DPP10: variants seen among roughly 807,000 people sequenced by gnomAD.
DPP10 encodes the protein inactive dipeptidyl peptidase 10.
In DPP10, 33 loss-of-function variants were observed where a neutral mutation model predicts 120.9. The observed-to-expected ratio is 0.27, with a 90% CI of 0.21 to 0.37. The LOEUF is 0.37. Ranked by LOEUF, DPP10 falls within the 10% of genes least tolerant of loss-of-function variation. DPP10 has a pLI of 1.00. For synonymous variants in DPP10, 337 were observed against 326.1 expected, an observed-to-expected ratio of 1.03 and a Z score of -0.36; for missense variants, 816 against 942.8, an observed-to-expected ratio of 0.87 and a Z score of 1.76.
At chr2:115,145,541 C>G (rs2051176753) in intron 1 of DPP10, among the ~76,000 whole-genome samples, 1 of 152,134 alleles carries the variant, frequency 6.6e-6, no homozygotes, top group Non-Finnish European at 1.5e-5. Flanking sequence ...CTTTATTCAT[C>G]CATTCATCTC....
At chr2:114,758,866 C>T (rs190645131) in intron 1 of DPP10, among the ~76,000 whole-genome samples, 118 of 152,168 alleles carry the variant, frequency 7.8e-4, no homozygotes, top group Middle Eastern at 3.4e-3. Flanking sequence ...AATTAAAAAA[C>T]GAAATTTCAA....
chr2:115,775,436 T>A (rs1377609085), intron 13 of DPP10, among the ~76,000 whole-genome samples: 4 of 151,882 alleles, frequency 2.6e-5, no homozygotes, highest in African/African-American at 4.8e-5. Flanking sequence ...ATGAATAACT[T>A]TACATTGATA....
intron 3 of DPP10, among the ~76,000 whole-genome samples, chr2:115,466,588 T>C (rs936854884): frequency 6.6e-6 from 1 of 152,180 alleles, no homozygotes; most frequent in African/African-American, 2.4e-5. Flanking sequence ...TACAGTAACA[T>C]TAACATCTAA....
At chr2:115,415,981 C>T (rs1206212235) in intron 3 of DPP10, among the ~76,000 whole-genome samples, 1 of 150,748 alleles carries the variant, frequency 6.6e-6, no homozygotes, top group African/African-American at 2.4e-5. Flanking sequence ...TGCACTATTT[C>T]TTTTGTAGAA....
intron 1 of DPP10, among the ~76,000 whole-genome samples, chr2:114,587,120 A>G (rs1312731038): frequency 6.6e-6 from 1 of 151,598 alleles, no homozygotes; most frequent in African/African-American, 2.4e-5. Context: ...ACATGGAGAA[A>G]CCCCATCTCT....
intron 1 of DPP10, among the ~76,000 whole-genome samples, chr2:114,487,466 A>T (rs1294128953): frequency 6.6e-6 from 1 of 152,204 alleles, no homozygotes; most frequent in Non-Finnish European, 1.5e-5. Context: ...TAAAAATTAA[A>T]TCTGTTTAAG....
intron 1 of DPP10, among the ~76,000 whole-genome samples, chr2:115,157,652 CA>C (rs1347473377): frequency 6.6e-6 from 1 of 152,170 alleles, no homozygotes; most frequent in Non-Finnish European, 1.5e-5. Flanking sequence ...ACATGATGTG[CA>C]TTTTGGGGAA....
intron 7 of DPP10, among the ~76,000 whole-genome samples, chr2:115,705,959 G>A (rs2092088402): frequency 6.6e-6 from 1 of 151,724 alleles, no homozygotes; most frequent in Non-Finnish European, 1.5e-5. Context: ...GTAATAAACT[G>A]TAAGGGGATA....
intron 5 of DPP10, among the ~76,000 whole-genome samples, chr2:115,686,050 C>T (rs980090345): frequency 3.3e-5 from 5 of 152,022 alleles, no homozygotes; most frequent in African/African-American, 1.2e-4. Flanking sequence ...TCTACTTTCC[C>T]AGCTAAGGTT....
chr2:115,372,894 G>C (rs746974174), intron 3 of DPP10, among the ~76,000 whole-genome samples: 1 of 152,136 alleles, frequency 6.6e-6, no homozygotes, highest in Non-Finnish European at 1.5e-5. Flanking sequence ...TTTTGTCACT[G>C]AAAATAGAAA....
chr2:114,978,896 TC>T (rs1699916339), intron 1 of DPP10, among the ~76,000 whole-genome samples: 3 of 152,114 alleles, frequency 2.0e-5, no homozygotes, highest in Admixed American at 2.0e-4. Flanking sequence ...CTTCTGTAAT[TC>T]CTATCCCTAA....
At chr2:115,346,464 G>A (rs1442619560) in intron 3 of DPP10, among the ~76,000 whole-genome samples, 3 of 152,040 alleles carry the variant, frequency 2.0e-5, no homozygotes, top group Non-Finnish European at 4.4e-5. Flanking sequence ...ATAGTGAGGC[G>A]ATGCCATTCA....
chr2:115,035,621 A>G (rs923243155), intron 1 of DPP10, among the ~76,000 whole-genome samples: 1 of 152,202 alleles, frequency 6.6e-6, no homozygotes, highest in Non-Finnish European at 1.5e-5. Context: ...ATTATGGTAG[A>G]TACTGCTTTT....
At chr2:115,578,516 G>A (rs2081820585) in intron 5 of DPP10, among the ~76,000 whole-genome samples, 1 of 152,080 alleles carries the variant, frequency 6.6e-6, no homozygotes, top group South Asian at 2.1e-4. Context: ...TTAGGGATAA[G>A]TTTCAGTAGC....
chr2:115,091,740 A>AT, intron 1 of DPP10, among the ~76,000 whole-genome samples: 1 of 152,276 alleles, frequency 6.6e-6, no homozygotes, highest in Middle Eastern at 3.4e-3. Context: ...GAAGACCCTC[A>AT]TTTTGGTGTC....
At chr2:114,494,166 G>A (rs1262591182) in intron 1 of DPP10, among the ~76,000 whole-genome samples, 1 of 147,598 alleles carries the variant, frequency 6.8e-6, no homozygotes, top group Non-Finnish European at 1.5e-5. Context: ...GCTGATTTCT[G>A]GAGGCAGACT....
At chr2:115,375,266 C>T (rs897574124) in intron 3 of DPP10, among the ~76,000 whole-genome samples, 1 of 152,186 alleles carries the variant, frequency 6.6e-6, no homozygotes, top group Non-Finnish European at 1.5e-5. Flanking sequence ...TAATCTCTCT[C>T]AAGTTGAAAG....
chr2:115,248,643 G>C (rs1363808281), intron 1 of DPP10, among the ~76,000 whole-genome samples: 3 of 152,094 alleles, frequency 2.0e-5, no homozygotes, highest in Non-Finnish European at 4.4e-5. Context: ...GAATAAGGGA[G>C]GGAGATGGGG....
At chr2:114,810,109 A>G (rs1340039427) in intron 1 of DPP10, among the ~76,000 whole-genome samples, 1 of 152,132 alleles carries the variant, frequency 6.6e-6, no homozygotes, top group Non-Finnish European at 1.5e-5. Flanking sequence ...TTCCTCTTCC[A>G]TATTTTGAGA....
Sources: allele counts gnomAD v4.1 joint callset (sites outside exome capture counted in the v4.1 genomes callset), GRCh38; gene constraint gnomAD v4.1.1; transcripts MANE v1.5; gene names NCBI Gene and HGNC (gene_info 2026-07-23, HGNC 2026-07-21).